The following NCR1 variants were observed in gnomAD, a reference collection of about 807,000 sequenced individuals.
NCR1 encodes NK cell-activating receptor.
Under a neutral mutation model 32.5 loss-of-function variants are expected in NCR1, and 30 were observed. The ratio of observed to expected loss-of-function variants is 0.92; its 90% confidence interval spans 0.69 to 1.25. The LOEUF (loss-of-function observed/expected upper bound fraction) is 1.25, where lower values mean the gene tolerates loss of function less well. Ranked by LOEUF, NCR1 falls within the 50% of genes most tolerant of loss-of-function variation. The pLI is 0.00. For missense variants in NCR1, 369 were observed against 380.7 expected (o/e 0.97, Z 0.26); for synonymous variants, 169 against 143.4 (o/e 1.18, Z -1.28).
chr19:54,935,669 G>T, the NCR1 span, among the ~76,000 whole-genome samples: 1 of 150,658 alleles, frequency 6.6e-6, no homozygotes, highest in Middle Eastern at 3.4e-3. Context: ...TCCAGCCTGG[G>T]TGACAAGAAT....
Sources: allele counts gnomAD v4.1 joint callset (sites outside exome capture counted in the v4.1 genomes callset), GRCh38; gene constraint gnomAD v4.1.1; transcripts MANE v1.5; gene names NCBI Gene and HGNC (gene_info 2026-07-23, HGNC 2026-07-21).